Variants in BNC2 observed in about 807,000 individuals in gnomAD.
The protein encoded by BNC2 is basonuclin zinc finger protein 2.
A neutral mutation model predicts 76.3 loss-of-function variants in BNC2; 20 were observed. That is an observed-to-expected ratio of 0.26 (90% CI 0.18 to 0.38). BNC2 has a LOEUF of 0.38. Ranked by LOEUF, BNC2 falls within the 10% of genes least tolerant of loss-of-function variation. BNC2 has a pLI of 1.00. For synonymous variants in BNC2, 582 were observed against 514.8 expected, an observed-to-expected ratio of 1.13 and a Z score of -1.77; for missense variants, 1,382 against 1,399.8, an observed-to-expected ratio of 0.99 and a Z score of 0.20.
At chr9:16,686,932 T>TG (rs1822996264) in intron 3 of BNC2, among the ~76,000 whole-genome samples, 1 of 152,192 alleles carries the variant, frequency 6.6e-6, no homozygotes, top group South Asian at 2.1e-4. Flanking sequence ...CATCTGTCTT[T>TG]GAAGTTTACA....
chr9:16,838,459 G>A (rs377448182), intron 1 of BNC2, among the ~76,000 whole-genome samples: 1 of 152,152 alleles, frequency 6.6e-6, no homozygotes, highest in Non-Finnish European at 1.5e-5. Context: ...TACTCGGGAG[G>A]CTGAGGCAGG....
At chr9:16,653,110 A>G (rs942973833) in intron 3 of BNC2, among the ~76,000 whole-genome samples, 1 of 152,198 alleles carries the variant, frequency 6.6e-6, no homozygotes, top group African/African-American at 2.4e-5. Context: ...TGAATTTTTT[A>G]AATGCTGCAA....
intron 1 of BNC2, among the ~76,000 whole-genome samples, chr9:16,781,404 G>A (rs142321247): frequency 0.026 from 3,974 of 152,106 alleles, 164 homozygotes; most frequent in African/African-American, 0.089. Flanking sequence ...GTGCAGTGGC[G>A]CAATCGTGGC....
At chr9:16,832,308 A>G in intron 1 of BNC2, 1 of 1,276,548 alleles carries the variant, frequency 7.8e-7, no homozygotes, top group Non-Finnish European at 1.0e-6. Flanking sequence ...TATCAAGGGA[A>G]AAGAAGCCAT....
intron 3 of BNC2, among the ~76,000 whole-genome samples, chr9:16,659,029 CATTT>C (rs1822017268): frequency 6.6e-6 from 1 of 152,064 alleles, no homozygotes; most frequent in Non-Finnish European, 1.5e-5. Context: ...AGCATGAATT[CATTT>C]GAGAGCTAGG....
At chr9:16,444,027 A>G (rs912426483) in intron 5 of BNC2, among the ~76,000 whole-genome samples, 14 of 152,218 alleles carry the variant, frequency 9.2e-5, no homozygotes, top group Admixed American at 8.5e-4. Context: ...ACTCTCACAC[A>G]CATAACTCAA....
At chr9:16,589,765 C>A (rs1446200640) in intron 3 of BNC2, among the ~76,000 whole-genome samples, 1 of 152,130 alleles carries the variant, frequency 6.6e-6, no homozygotes, top group African/African-American at 2.4e-5. Context: ...GCCTCGGCCT[C>A]TCAAAGTGCT....
intron 1 of BNC2, among the ~76,000 whole-genome samples, chr9:16,843,176 T>G (rs893463404): frequency 6.6e-6 from 1 of 152,202 alleles, no homozygotes; most frequent in Non-Finnish European, 1.5e-5. Context: ...TTGCCCAAGA[T>G]TCTACCATAT....
At chr9:16,579,589 A>G (rs1819573985) in intron 4 of BNC2, among the ~76,000 whole-genome samples, 1 of 151,084 alleles carries the variant, frequency 6.6e-6, no homozygotes, top group Admixed American at 6.6e-5. Flanking sequence ...CCCAGCTTTT[A>G]ATTTTTTAGA....
chr9:16,513,412 T>C (rs1381106148), intron 5 of BNC2, among the ~76,000 whole-genome samples: 1 of 147,364 alleles, frequency 6.8e-6, no homozygotes, highest in African/African-American at 2.5e-5. Context: ...GTTCACACCA[T>C]TCTCCTGCCT....
At chr9:16,811,230 C>CAAAAAAAAAAAAAAAAAAAAAAAAA (rs58068661) in intron 1 of BNC2, among the ~76,000 whole-genome samples, 5 of 97,540 alleles carry the variant, frequency 5.1e-5, no homozygotes, top group African/African-American at 1.9e-4. Flanking sequence ...CTCAAAAGAC[C>CAAAAAAAAAAAAAAAAAAAAAAAAA]AAAAAAAAAA....
At chr9:16,829,753 A>C (rs147161507) in intron 1 of BNC2, among the ~76,000 whole-genome samples, 3 of 152,218 alleles carry the variant, frequency 2.0e-5, no homozygotes, top group African/African-American at 7.2e-5. Flanking sequence ...TACAAATGCT[A>C]CTTGGGTTCT....
At chr9:16,750,118 G>A (rs1825144664) in intron 1 of BNC2, among the ~76,000 whole-genome samples, 1 of 152,132 alleles carries the variant, frequency 6.6e-6, no homozygotes, top group East Asian at 1.9e-4. Flanking sequence ...ACAATTTAGA[G>A]TTTTGTTTTC....
At chr9:16,727,448 T>C in intron 3 of BNC2, 1 of 249,544 alleles carries the variant, frequency 4.0e-6, no homozygotes, top group Non-Finnish European at 7.7e-6. Flanking sequence ...TGATTCATAT[T>C]GATAGATACA....
intron 5 of BNC2, among the ~76,000 whole-genome samples, chr9:16,439,586 G>C (rs1821085426): frequency 6.6e-6 from 1 of 152,170 alleles, no homozygotes; most frequent in African/African-American, 2.4e-5. Context: ...AGGCATAAGG[G>C]ATCTGTACTG....
chr9:16,815,758 T>C (rs1274003620), intron 1 of BNC2, among the ~76,000 whole-genome samples: 5 of 152,240 alleles, frequency 3.3e-5, no homozygotes, highest in African/African-American at 1.2e-4. Context: ...AGGTTCTGAC[T>C]TTGAAGAACT....
intron 5 of BNC2, among the ~76,000 whole-genome samples, chr9:16,455,780 A>G (rs1196215993): frequency 4.4e-5 from 6 of 137,444 alleles, no homozygotes; most frequent in Admixed American, 2.9e-4. Context: ...AGACAAGAGC[A>G]AAACTCCATC....
chr9:16,500,208 T>G (rs1442847559), intron 5 of BNC2, among the ~76,000 whole-genome samples: 2 of 152,054 alleles, frequency 1.3e-5, no homozygotes, highest in Non-Finnish European at 1.5e-5. Context: ...CCATTCAGAA[T>G]CCTACCCATC....
intron 1 of BNC2, among the ~76,000 whole-genome samples, chr9:16,795,594 T>C (rs1376137975): frequency 6.6e-6 from 1 of 152,050 alleles, no homozygotes; most frequent in Non-Finnish European, 1.5e-5. Flanking sequence ...GGTGACACCA[T>C]TAACCAACAT....
Sources: gnomAD v4.1 joint callset for allele counts (sites outside exome capture counted in the v4.1 genomes callset) on GRCh38, gnomAD v4.1.1 for gene constraint, MANE v1.5 for transcripts, NCBI Gene and HGNC (gene_info 2026-07-23, HGNC 2026-07-21) for gene names.